TNPO3: variants seen among roughly 807,000 people sequenced by gnomAD.
The protein encoded by TNPO3 is transportin-3.
TNPO3 carries 65 observed loss-of-function variants against 122.8 expected under a neutral mutation model. The observed-to-expected ratio is 0.53, with a 90% CI of 0.43 to 0.65. The LOEUF (loss-of-function observed/expected upper bound fraction) is 0.65, where lower values mean the gene tolerates loss of function less well. TNPO3 is among the 30% of genes least tolerant of loss of function. The pLI is 0.00. For synonymous variants in TNPO3, 372 were observed against 411.2 expected (o/e 0.90, Z 1.15); for missense variants, 850 against 1,136.7 (o/e 0.75, Z 3.63).
chr7:128,988,122 G>A (rs1037878266), intron 11 of TNPO3, among the ~76,000 whole-genome samples: 4 of 152,042 alleles, frequency 2.6e-5, no homozygotes, highest in Non-Finnish European at 4.4e-5. Flanking sequence ...TTACAGGCAT[G>A]CGCCACCAAG....
chr7:129,044,351 A>C (rs561086912), intron 1 of TNPO3, among the ~76,000 whole-genome samples: 11 of 152,380 alleles, frequency 7.2e-5, no homozygotes, highest in Non-Finnish European at 1.3e-4. Context: ...TGACTGAGAC[A>C]GAAAATACAA....
intron 21 of TNPO3, among the ~76,000 whole-genome samples, chr7:128,964,788 C>T (rs1187168350): frequency 6.6e-6 from 1 of 152,128 alleles, no homozygotes; most frequent in Non-Finnish European, 1.5e-5. Context: ...AATAAATTCT[C>T]CTGTATATGG....
At chr7:129,043,456 A>G (rs1475165532) in intron 1 of TNPO3, among the ~76,000 whole-genome samples, 2 of 152,194 alleles carry the variant, frequency 1.3e-5, no homozygotes, top group Non-Finnish European at 2.9e-5. Context: ...AATAAGGCCA[A>G]TGACAGCACT....
At chr7:129,027,582 A>AC in intron 1 of TNPO3, among the ~76,000 whole-genome samples, 1 of 139,062 alleles carries the variant, frequency 7.2e-6, no homozygotes, top group African/African-American at 2.6e-5. Context: ...AAAAAAAAAA[A>AC]AAAAAAAAAC....
chr7:129,037,622 G>C (rs1806848105), intron 1 of TNPO3, among the ~76,000 whole-genome samples: 1 of 152,164 alleles, frequency 6.6e-6, no homozygotes, highest in Non-Finnish European at 1.5e-5. Context: ...TGGTGGTGCA[G>C]TCCTGGAGGA....
At chr7:129,018,572 T>C (rs777787000) in intron 1 of TNPO3, among the ~76,000 whole-genome samples, 8 of 152,238 alleles carry the variant, frequency 5.3e-5, no homozygotes, top group African/African-American at 1.9e-4. Flanking sequence ...ACTCTAAGAA[T>C]TGAATCCAGA....
intron 19 of TNPO3, chr7:128,970,702 T>C (rs938904071): frequency 6.4e-6 from 1 of 157,442 alleles, no homozygotes; most frequent in African/African-American, 2.4e-5. Flanking sequence ...AAATAACTTG[T>C]GTTCCTATTT....
chr7:128,992,713 G>C (rs1006462652), intron 9 of TNPO3, among the ~76,000 whole-genome samples: 1 of 152,128 alleles, frequency 6.6e-6, no homozygotes, highest in African/African-American at 2.4e-5. Flanking sequence ...GCTAGGAAAG[G>C]CAAAATTAAA....
intron 16 of TNPO3, 69 bp from the exon 17 acceptor site, chr7:128,976,004 C>T: frequency 9.3e-7 from 1 of 1,078,502 alleles, no homozygotes; most frequent in African/African-American, 1.6e-5. Context: ...GAAGCTGTCT[C>T]CAGGAAGAAA....
chr7:129,004,545 A>G (rs1467304085), intron 5 of TNPO3, among the ~76,000 whole-genome samples: 2 of 152,230 alleles, frequency 1.3e-5, no homozygotes, highest in Non-Finnish European at 2.9e-5. Flanking sequence ...TCCATTTTGC[A>G]TATACGATGT....
At chr7:128,986,545 C>T (rs535981069) in intron 12 of TNPO3, among the ~76,000 whole-genome samples, 184 bp downstream of exon 12, 2 of 152,200 alleles carry the variant, frequency 1.3e-5, no homozygotes, top group Non-Finnish European at 2.9e-5. Context: ...TAAGATAATC[C>T]AAGAAAAGAA....
Position 128,982,229 on chromosome 7 carries a change from C to G in TNPO3, c.1859+19G>C, listed in dbSNP as rs754991863. On this transcript the variant is annotated intron_variant, in intron 14 of 22. Transcript: ENST00000265388. ...TGAGCCTTTAACCCAAGTAAGGCATCCAGAGTCTCCTTTCTTACCTAAATA... is the reference window on the plus strand; with the variant it reads ...TGAGCCTTTAACCCAAGTAAGGCATGCAGAGTCTCCTTTCTTACCTAAATA... 5.6e-6 allele frequency: 9 copies of G among 1,608,974 alleles called. No individual in the cohort carries two copies. The South Asian group carries it at 9.9e-5, about 18-fold the overall frequency.
At chr7:128,988,946 A>G (rs966312127) in intron 11 of TNPO3, among the ~76,000 whole-genome samples, 1 of 152,002 alleles carries the variant, frequency 6.6e-6, no homozygotes, top group African/African-American at 2.4e-5. Context: ...GCATGGTGGC[A>G]TGCACTTGTA....
intron 22 of TNPO3, among the ~76,000 whole-genome samples, chr7:128,956,586 T>C (rs1796921308): frequency 6.6e-6 from 1 of 152,212 alleles, no homozygotes; most frequent in South Asian, 2.1e-4. Flanking sequence ...ATTTTGGATT[T>C]TGGATTTTTG....
chr7:128,983,607 T>C (rs1002372309), intron 13 of TNPO3, among the ~76,000 whole-genome samples: 2 of 152,226 alleles, frequency 1.3e-5, no homozygotes, highest in Non-Finnish European at 2.9e-5. Context: ...GTCAGAGTTA[T>C]GGCTGACCCT....
Position 128,972,223 on chromosome 7 carries a change from G to GT in TNPO3, c.2430+202dup, listed in dbSNP as rs566362874. ...ACCAAATGATTTGGGAGCATGAACA[G>GT]TTTTAGACTGCTTTATATAGCCTAA... On this transcript the variant is annotated intron_variant, in intron 19 of 22. Transcript: ENST00000265388. Among the ~76,000 whole-genome samples the GT allele has an allele frequency of 6.3e-3, 959 of 152,298 alleles. 7 individuals are homozygous for GT. Among genetic ancestry groups the GT allele is most frequent in the Non-Finnish European group, 0.01 (692 of 68,022 alleles).
rs563706035 is a variant in TNPO3 at position 128,979,192 on chromosome 7, TG to T, written c.1921-70del. 2.1e-3 allele frequency: 3,251 copies of T among 1,575,834 alleles called. 12 individuals carry two copies. Among genetic ancestry groups the T allele is most frequent in the Middle Eastern group, 3.9e-3 (20 of 5,120 alleles). ...ACTAGGACCTGAAAAACTGCTAAGT[TG>T]GTAACACCTCATTTAGCTTTTAAAT... On this transcript the variant is annotated intron_variant, in intron 15 of 22. Transcript: ENST00000265388.
intron 21 of TNPO3, among the ~76,000 whole-genome samples, chr7:128,966,430 C>T (rs533140025): frequency 6.6e-6 from 1 of 152,254 alleles, no homozygotes; most frequent in South Asian, 2.1e-4. Context: ...AAAAGACTAT[C>T]AGGGCAAAGG....
At chr7:129,047,755 T>C (rs1281876331) in intron 1 of TNPO3, among the ~76,000 whole-genome samples, 1 of 152,220 alleles carries the variant, frequency 6.6e-6, no homozygotes, top group African/African-American at 2.4e-5. Context: ...GAAAGTAGTT[T>C]TTTAGCAAAC....
Sources: gnomAD v4.1 joint callset for allele counts (sites outside exome capture counted in the v4.1 genomes callset) on GRCh38, gnomAD v4.1.1 for gene constraint, MANE v1.5 for transcripts, NCBI Gene and HGNC (gene_info 2026-07-23, HGNC 2026-07-21) for gene names.